Variants in NAB1 observed in about 807,000 individuals in gnomAD.
NAB1 encodes NGFI-A-binding protein 1.
NAB1 carries 25 observed loss-of-function variants against 49.9 expected under a neutral mutation model. The observed-to-expected ratio is 0.50, with a 90% CI of 0.37 to 0.70. The LOEUF (loss-of-function observed/expected upper bound fraction) is 0.70, where lower values mean the gene tolerates loss of function less well. NAB1 is among the 30% of genes least tolerant of loss of function. NAB1 has a pLI of 0.00. For missense variants in NAB1, 489 were observed against 575.9 expected, an observed-to-expected ratio of 0.85 and a Z score of 1.54; for synonymous variants, 198 against 215.6, an observed-to-expected ratio of 0.92 and a Z score of 0.71.
chr2:190,665,918 C>G (rs913256911), intron 4 of NAB1, among the ~76,000 whole-genome samples: 1 of 152,098 alleles, frequency 6.6e-6, no homozygotes, highest in African/African-American at 2.4e-5. Flanking sequence ...TTAGACTCTT[C>G]AATTCTGATG....
In NAB1 at chr2:190,683,839, T is replaced by C. The variant is rs1283581210; in HGVS notation, c.1095+12T>C. ...CTCTTAGTTCACAGGTAACATAAAC[T>C]CCCAGTTATTACTCCATGATAGTAT... On this transcript the variant is annotated intron_variant, in intron 7 of 9. Transcript: ENST00000337386. The C allele has an allele frequency of 6.3e-6, 10 of 1,590,144 alleles. No homozygotes were observed. The highest frequency in any genetic ancestry group is 8.6e-6 in the Non-Finnish European group (10 of 1,159,712).
rs1454969188 is a variant in NAB1 at position 190,652,022 on chromosome 2, A to G, written c.-197+2040A>G. Among the ~76,000 whole-genome samples the G allele has an allele frequency of 6.6e-6, 1 of 152,198 alleles. No homozygotes were observed. Among genetic ancestry groups the G allele is most frequent in the East Asian group, 1.9e-4 (1 of 5,196 alleles). On this transcript the variant is annotated intron_variant, in intron 2 of 9. Coordinates refer to ENST00000337386, the MANE Select transcript of NAB1 (RefSeq NM_005966.4). This position sits in a 1 kb window ranked among gnomAD's most constrained non-coding sequence, Gnocchi z 4.2. Reference sequence around the variant, plus strand: ...TAGAATGAAGAATGGTACAATTGTTATATTAAGTGCAAATTCCCTTTCTGA... The same window carrying G: ...TAGAATGAAGAATGGTACAATTGTTGTATTAAGTGCAAATTCCCTTTCTGA...
At chr2:190,687,395 CAAAAAAAAAAAAAAAA>C in intron 9 of NAB1, 78 bp downstream of exon 9, 1 of 158,712 alleles carries the variant, frequency 6.3e-6, no homozygotes, top group South Asian at 1.0e-4. Flanking sequence ...CCTCCCCCAT[CAAAAAAAAAAAAAAAA>C]AAAAAAAAGT....
At position 190,670,520 on chromosome 2, in the gene NAB1, A is replaced by G; in HGVS notation, c.953+61A>G. On this transcript the variant is annotated intron_variant, in intron 5 of 9. Coordinates refer to ENST00000337386, the MANE Select transcript of NAB1 (RefSeq NM_005966.4). The surrounding 1 kb of genome is among the most constrained non-coding windows in gnomAD (Gnocchi z 5.3). ...GCTTGAGAGAAGTAGAGTTCGAAAC[A>G]TCATCTATTGATAGAATATAAGCAT... 1 of 1,527,434 alleles carries G rather than the reference A, an allele frequency of 6.5e-7. No homozygotes were observed. The highest frequency in any genetic ancestry group is 9.0e-7 in the Non-Finnish European group (1 of 1,110,490). The allele number at this position is 1,527,434 out of a possible 1,614,324, so 94.6% of individuals were successfully genotyped here.
rs1694093693 is a variant in NAB1 at position 190,659,231 on chromosome 2, CA to C, written c.60del (p.Ala21ProfsTer52). On this transcript the variant is annotated frameshift_variant, in exon 4 of 10. Transcript: ENST00000337386. LOFTEE classifies it high-confidence loss of function. This position sits in a 1 kb window ranked among gnomAD's most constrained non-coding sequence, Gnocchi z 6.2. ...LGELQLYRIL[Q>X]KANLLSYFDA... is the part of the protein sequence containing the mutation. ...GGAGTTGCAGCTGTATAGAATATTA[CA>C]AAAAGCCAATCTACTTTCTTATTTT... 1 of 1,612,270 alleles carries C rather than the reference CA, an allele frequency of 6.2e-7. No individual in the cohort carries two copies. The highest frequency in any genetic ancestry group is 1.7e-5 in the Admixed American group (1 of 59,810).
rs184262790 is a variant in NAB1, at chr2:190,692,265, G to T, written c.*1932G>T. 733 of 152,492 alleles carry T rather than the reference G, an allele frequency of 4.8e-3. 1 individual carries two copies. The highest frequency in any genetic ancestry group is 0.02 in the Middle Eastern group (6 of 294). 9.4% of individuals were successfully genotyped at this position (152,492 alleles called of 1,614,324 possible). ...TTAATTGTGTCTTACAGTCAAGTTT[G>T]TAGATTTTCATAAGCCACAATTTTA... On this transcript the variant is annotated 3_prime_UTR_variant, in exon 10 of 10. Coordinates refer to ENST00000337386, the MANE Select transcript of NAB1 (RefSeq NM_005966.4). The surrounding 1 kb of genome is among the most constrained non-coding windows in gnomAD (Gnocchi z 5.2).
intron 2 of NAB1, among the ~76,000 whole-genome samples, chr2:190,650,866 A>G (rs1448493515): frequency 6.6e-6 from 1 of 152,242 alleles, no homozygotes; most frequent in Non-Finnish European, 1.5e-5. Flanking sequence ...ATGACTGGCT[A>G]GGTCAGCCTT....
In NAB1 at chr2:190,671,404, C is replaced by T. The variant is rs77960384; in HGVS notation, c.953+945C>T. Among the ~76,000 whole-genome samples, 657 of 152,208 alleles carry T rather than the reference C, an allele frequency of 4.3e-3. 11 individuals carry two copies. In the East Asian group the frequency reaches 0.046, roughly 11 times the overall value. On this transcript the variant is annotated intron_variant, in intron 5 of 9. Transcript: ENST00000337386. ...ATTTTCTGCCCTACGTCAGTACCTA[C>T]GTATTTATAACTGACAAGTAAAATC... is the stretch of plus-strand genomic sequence containing the variant.
chr2:190,676,782 A>G lies in NAB1; in HGVS notation c.1005+3630A>G, dbSNP rs939518790. ...TCTAATTACAAGGCCCAAACTAATG[A>G]GACAAGTTTTTCTCTTTTTTCAAAT... On this transcript the variant is annotated intron_variant, in intron 6 of 9. Coordinates refer to ENST00000337386, the MANE Select transcript of NAB1 (RefSeq NM_005966.4). This position sits in a 1 kb window ranked among gnomAD's most constrained non-coding sequence, Gnocchi z 4.6. 1.3e-5 allele frequency among the ~76,000 whole-genome samples: 2 copies of G among 152,252 alleles called. No homozygotes were observed. The highest frequency in any genetic ancestry group is 2.9e-5 in the Non-Finnish European group (2 of 68,046).
rs912424474 is a variant in NAB1, at chr2:190,653,041, G to T, written c.-196-2936G>T. On this transcript the variant is annotated intron_variant, in intron 2 of 9. Coordinates refer to ENST00000337386, the MANE Select transcript of NAB1 (RefSeq NM_005966.4). ...GTGGCCCAAGACAATTCTTCTTCCA[G>T]TGTGGCTCAGGGAAGCCAAAAGATT... 3.9e-5 allele frequency among the ~76,000 whole-genome samples: 6 copies of T among 152,170 alleles called. No individual in the cohort carries two copies. The East Asian group carries it at 7.7e-4, about 20-fold the overall frequency.
intron 4 of NAB1, among the ~76,000 whole-genome samples, chr2:190,664,557 CCTTT>C (rs1286619918): frequency 2.4e-5 from 3 of 123,308 alleles, no homozygotes; most frequent in Non-Finnish European, 3.5e-5. Context: ...TTCCTTCCTT[CCTTT>C]CTTCCTCTCT....
In NAB1 at chr2:190,654,022, C is replaced by A. The variant is rs1693799813; in HGVS notation, c.-196-1955C>A. Among the ~76,000 whole-genome samples, 2 of 152,276 alleles carry A rather than the reference C, an allele frequency of 1.3e-5. No individual in the cohort carries two copies. The highest frequency in any genetic ancestry group is 4.8e-5 in the African/African-American group (2 of 41,556). The stretch of plus-strand genomic sequence containing the variant: ...ATACTGGTTTACACAGAAGGCCTCC[C>A]CTTTGGAATATGAAAGGTTGCTGAT... On this transcript the variant is annotated intron_variant, in intron 2 of 9. Coordinates refer to ENST00000337386, the MANE Select transcript of NAB1 (RefSeq NM_005966.4). The surrounding 1 kb of genome is among the most constrained non-coding windows in gnomAD (Gnocchi z 5.6).
intron 4 of NAB1, among the ~76,000 whole-genome samples, chr2:190,664,975 A>T (rs1006657650): frequency 2.6e-5 from 4 of 152,048 alleles, no homozygotes; most frequent in Admixed American, 6.6e-5. Context: ...CAGATTTATC[A>T]TCTGGGATTA....
rs573190342 is a variant in NAB1 at position 190,680,820 on chromosome 2, CTTTTTGGATGAACTT to C, written c.1006-2917_1006-2903del. 1.4e-3 allele frequency among the ~76,000 whole-genome samples: 217 copies of C among 152,216 alleles called. No homozygotes were observed. Among genetic ancestry groups the C allele is most frequent in the African/African-American group, 4.8e-3 (199 of 41,534 alleles). On this transcript the variant is annotated intron_variant, in intron 6 of 9. Transcript: ENST00000337386. This position sits in a 1 kb window ranked among gnomAD's most constrained non-coding sequence, Gnocchi z 5.2. ...GCTTTACTCTGATTAAATCTGGTGG[CTTTTTGGATGAACTT>C]AACAGATATCAGTAACAAACATTTA...
Position 190,685,506 on chromosome 2 carries a change from G to A in NAB1, c.1126G>A (p.Glu376Lys). The A allele has an allele frequency of 1.2e-6, 2 of 1,612,936 alleles. No homozygotes were observed. Among genetic ancestry groups the A allele is most frequent in the South Asian group, 2.2e-5 (2 of 90,886 alleles). ...TGAAAAGGTGATGGCAAAGCAGATGGAGTTCCTTTGCAACCAAGCTGGCTA... is the reference window on the plus strand; with the variant it reads ...TGAAAAGGTGATGGCAAAGCAGATGAAGTTCCTTTGCAACCAAGCTGGCTA... ...QPEKVMAKQM[E>K]FLCNQAGYER... The change falls in exon 8 of 10, where the codon GAG becomes AAG. Residue 376 changes from glutamate to lysine, a missense_variant. This residue lies in a region of NAB1 where 212 missense variants were observed against 199.3 expected (regional missense o/e 1.06). Coordinates refer to ENST00000337386, the MANE Select transcript of NAB1 (RefSeq NM_005966.4). The surrounding 1 kb of genome is among the most constrained non-coding windows in gnomAD (Gnocchi z 4.5).
chr2:190,669,437 G>A lies in NAB1; in HGVS notation c.820-889G>A, dbSNP rs1029886357. ...CCCATTTTGCCTCTCAGAATACCAA[G>A]TACCAAGCCTCTCAAAAGTTTTGCA... is the stretch of plus-strand genomic sequence containing the variant. On this transcript the variant is annotated intron_variant, in intron 4 of 9. Coordinates refer to ENST00000337386, the MANE Select transcript of NAB1 (RefSeq NM_005966.4). This position sits in a 1 kb window ranked among gnomAD's most constrained non-coding sequence, Gnocchi z 4.3. Among the ~76,000 whole-genome samples the A allele has an allele frequency of 1.3e-5, 2 of 152,116 alleles. No homozygotes were observed. Among genetic ancestry groups the A allele is most frequent in the Non-Finnish European group, 2.9e-5 (2 of 68,014 alleles).
rs1056406316 is a variant in NAB1 at position 190,652,506 on chromosome 2, A to G, written c.-197+2524A>G. ...TTAGTTTTTTCTAATTTTGGCAAGTAAATTTAACCTCACACTGAATATTTT... is the reference window on the plus strand; with the variant it reads ...TTAGTTTTTTCTAATTTTGGCAAGTGAATTTAACCTCACACTGAATATTTT... On this transcript the variant is annotated intron_variant, in intron 2 of 9. Coordinates refer to ENST00000337386, the MANE Select transcript of NAB1 (RefSeq NM_005966.4). This position sits in a 1 kb window ranked among gnomAD's most constrained non-coding sequence, Gnocchi z 4.2. 3.9e-5 allele frequency among the ~76,000 whole-genome samples: 6 copies of G among 152,222 alleles called. No individual in the cohort carries two copies. The highest frequency in any genetic ancestry group is 1.4e-4 in the African/African-American group (6 of 41,470).
In NAB1 at chr2:190,690,915, T is replaced by C. The variant is rs1265928768; in HGVS notation, c.*582T>C. The C allele has an allele frequency of 6.6e-6, 1 of 152,488 alleles. No homozygotes were observed. The allele number at this position is 152,488 out of a possible 1,614,324, so 9.4% of individuals were successfully genotyped here. A position where few individuals can be genotyped will look rare whatever the true frequency, so the allele number is the denominator to read the frequency against. On this transcript the variant is annotated 3_prime_UTR_variant, in exon 10 of 10. Transcript: ENST00000337386. ...TGGATTTAATATTTGATAAAACTGA[T>C]TTTGTTTAACAGGAAATTTTTAGCA...
rs771862738 is a variant in NAB1, at chr2:190,670,333, T to C, written c.827T>C (p.Val276Ala). The change falls in exon 5 of 10, where the codon GTT (valine) becomes GCT (alanine). Residue 276 changes from valine (V) to alanine (A), a missense_variant. Around this residue, in one of 4 missense-constraint regions of NAB1, gnomAD observed 38 missense variants for 70.1 expected, o/e 0.54. Coordinates refer to ENST00000337386, the MANE Select transcript of NAB1 (RefSeq NM_005966.4). The surrounding 1 kb of genome is among the most constrained non-coding windows in gnomAD (Gnocchi z 5.3). ...TCTGTTTTGGATATCCAGCTCACTG[T>C]TAATGAAGCGGCTGCTCAACTCTGT... Reference protein sequence around the residue: ...GKHLTLHELTVNEAAAQLCVK... With the variant: ...GKHLTLHELTANEAAAQLCVK... The C allele has an allele frequency of 6.2e-7, 1 of 1,609,550 alleles. No homozygotes were observed. The highest frequency in any genetic ancestry group is 8.5e-7 in the Non-Finnish European group (1 of 1,178,740).
Sources: gnomAD v4.1 joint callset for allele counts (sites outside exome capture counted in the v4.1 genomes callset) on GRCh38, gnomAD v4.1.1 for gene constraint, gnomAD v4.1.1 regional missense constraint, Gnocchi (gnomAD v3.1) non-coding constraint, MANE v1.5 for transcripts, NCBI Gene and HGNC (gene_info 2026-07-23, HGNC 2026-07-21) for gene names.